Variants in SEPTIN6 observed in about 807,000 individuals in gnomAD.
The protein encoded by SEPTIN6 is septin 6.
A neutral mutation model predicts 33.6 loss-of-function variants in SEPTIN6; 8 were observed. That is an observed-to-expected ratio of 0.24 (90% confidence interval 0.14 to 0.43). The LOEUF (loss-of-function observed/expected upper bound fraction) is 0.43. SEPTIN6 is among the 20% of genes least tolerant of loss of function. The probability of loss-of-function intolerance (pLI) is 1.00; values close to 1 mark genes in which losing one functional copy is unlikely to be tolerated. For synonymous variants in SEPTIN6, 131 were observed against 140.0 expected (o/e 0.94, Z 0.45); for missense variants, 250 against 340.8 (o/e 0.73, Z 2.10).
At chrX:119,691,484 C>T (rs1322572669) in intron 1 of SEPTIN6, among the ~76,000 whole-genome samples, 2 of 111,838 alleles carry the variant, frequency 1.8e-5, no homozygotes, top group Admixed American at 9.5e-5. Flanking sequence ...CAATAAACAA[C>T]GAGAGTGCCA....
At chrX:119,646,643 C>T (rs1306981830) in intron 5 of SEPTIN6, 3 of 129,523 alleles carry the variant, frequency 2.3e-5, no homozygotes. Flanking sequence ...TCATTACTCT[C>T]ATTTCCTGCC....
intron 2 of SEPTIN6, among the ~76,000 whole-genome samples, chrX:119,664,539 C>G (rs987773994): frequency 3.6e-5 from 4 of 110,232 alleles, no homozygotes; most frequent in Non-Finnish European, 3.8e-5. Flanking sequence ...TAAAAAATGA[C>G]AGCAGTGGCC....
chrX:119,626,824 C>T (rs1440506823), intron 9 of SEPTIN6, among the ~76,000 whole-genome samples: 3 of 110,326 alleles, frequency 2.7e-5, no homozygotes, highest in Non-Finnish European at 5.7e-5. Context: ...GTAGCTGGGA[C>T]TACAGGTGTG....
chrX:119,660,442 T>C (rs2054518066), intron 3 of SEPTIN6, among the ~76,000 whole-genome samples: 1 of 112,373 alleles, frequency 8.9e-6, no homozygotes, highest in African/African-American at 3.2e-5. Flanking sequence ...TATAAGTATG[T>C]ATCACATTTA....
chrX:119,630,791 G>T (rs2053943806), intron 8 of SEPTIN6, among the ~76,000 whole-genome samples: 1 of 110,598 alleles, frequency 9.0e-6, no homozygotes, highest in Non-Finnish European at 1.9e-5. Flanking sequence ...TACTTGGGAG[G>T]CTGAGACAGG....
intron 1 of SEPTIN6, among the ~76,000 whole-genome samples, chrX:119,676,239 GA>G (rs889224474): frequency 1.8e-5 from 2 of 110,328 alleles, no homozygotes; most frequent in African/African-American, 6.6e-5. Flanking sequence ...AGGCGGGGGG[GA>G]TCACTTGAGG....
chrX:119,633,593 C>T lies in SEPTIN6; in HGVS notation c.957-101G>A. On this transcript the variant is annotated intron_variant, in intron 7 of 10. Transcript: ENST00000394610. Reference sequence around the variant, plus strand: ...ACTGGGTTCCTCTGTCCTCCCTTCCCCAGTTGTGAGCCAGGTACAAAAATA... The same window carrying T: ...ACTGGGTTCCTCTGTCCTCCCTTCCTCAGTTGTGAGCCAGGTACAAAAATA... 3.9e-6 allele frequency: 4 copies of T among 1,029,374 alleles called. No individual in the cohort carries two copies. The South Asian group carries it at 1.0e-4, about 26-fold the overall frequency. 84.8% of individuals were successfully genotyped at this position (1,029,374 alleles called of 1,213,427 possible). A position where few individuals can be genotyped will look rare whatever the true frequency, so the allele number is the denominator to read the frequency against.
chrX:119,657,237 AC>A (rs1317565916), intron 3 of SEPTIN6, among the ~76,000 whole-genome samples: 30 of 109,974 alleles, frequency 2.7e-4, no homozygotes, highest in African/African-American at 4.0e-4. Flanking sequence ...AAAAAACAAA[AC>A]AAAAAAACTG....
chrX:119,624,613 G>A (rs2053831587), intron 10 of SEPTIN6, among the ~76,000 whole-genome samples: 1 of 111,804 alleles, frequency 8.9e-6, no homozygotes, highest in Middle Eastern at 4.6e-3. Context: ...AGGGGGATGG[G>A]AGAGGGTTGA....
At chrX:119,644,734 C>A (rs1210912521) in intron 5 of SEPTIN6, among the ~76,000 whole-genome samples, 2 of 108,746 alleles carry the variant, frequency 1.8e-5, no homozygotes, top group Non-Finnish European at 3.8e-5. Context: ...GTAATCCCAG[C>A]TACTCGGGAG....
intron 5 of SEPTIN6, among the ~76,000 whole-genome samples, chrX:119,647,483 CT>C (rs61037430): frequency 7.3e-4 from 54 of 74,339 alleles, no homozygotes; most frequent in Non-Finnish European, 8.2e-4. Flanking sequence ...TTCTCTCTCT[CT>C]TTTTTTTTTT....
intron 3 of SEPTIN6, among the ~76,000 whole-genome samples, chrX:119,654,534 G>A (rs1480933032): frequency 9.0e-6 from 1 of 111,233 alleles, no homozygotes; most frequent in Non-Finnish European, 1.9e-5. Context: ...CCCAGCCAAT[G>A]CCTCCCACCT....
At chrX:119,649,854 G>C in intron 5 of SEPTIN6, 83 bp downstream of exon 5, 3 of 1,023,929 alleles carry the variant, frequency 2.9e-6, no homozygotes, top group Non-Finnish European at 4.1e-6. Flanking sequence ...CTGGGCAACA[G>C]AGCAAGACCC....
chrX:119,649,282 C>T (rs182010489), intron 5 of SEPTIN6, among the ~76,000 whole-genome samples: 15 of 106,548 alleles, frequency 1.4e-4, no homozygotes, highest in Admixed American at 3.1e-4. Flanking sequence ...TTAGTAGAGA[C>T]GGGGTTTTGC....
At position 119,678,675 on chromosome X, in the gene SEPTIN6, C is replaced by T. The variant is rs149498264; in HGVS notation, c.31-3007G>A. Among the ~76,000 whole-genome samples the T allele has an allele frequency of 5.1e-3, 567 of 111,647 alleles. 2 individuals are homozygous for T. Among genetic ancestry groups the T allele is most frequent in the African/African-American group, 0.018 (541 of 30,766 alleles). On this transcript the variant is annotated intron_variant, in intron 1 of 10. Coordinates refer to ENST00000394610, the MANE Select transcript of SEPTIN6 (RefSeq NM_145799.4). ...AGATGCAAGATTCCCACTGCTAGTT[C>T]TTGGTCCGCAACGCTGCAGGGGAGT...
chrX:119,621,444 CTGG>C (rs2053759100), intron 10 of SEPTIN6, among the ~76,000 whole-genome samples: 1 of 29,781 alleles, frequency 3.4e-5, no homozygotes, highest in African/African-American at 9.6e-5. Context: ...GGGCCCAGAG[CTGG>C]TGTGTGTGTG....
chrX:119,690,484 G>T (rs1345585000), intron 1 of SEPTIN6, among the ~76,000 whole-genome samples: 1 of 109,453 alleles, frequency 9.1e-6, no homozygotes, highest in East Asian at 2.9e-4. Context: ...CAACACTTTG[G>T]GAGGCTGAGG....
chrX:119,630,683 A>G (rs2053942042), intron 8 of SEPTIN6, among the ~76,000 whole-genome samples: 1 of 111,679 alleles, frequency 9.0e-6, no homozygotes, highest in Non-Finnish European at 1.9e-5. Context: ...GCATAAGGTC[A>G]GGAGTTCTAG....
chrX:119,684,023 T>TCTCC (rs369488890), intron 1 of SEPTIN6, among the ~76,000 whole-genome samples: 4 of 104,277 alleles, frequency 3.8e-5, no homozygotes, highest in African/African-American at 1.4e-4. Flanking sequence ...CACTGCAACC[T>TCTCC]CTCCCTCCTG....
Sources: allele counts gnomAD v4.1 joint callset (sites outside exome capture counted in the v4.1 genomes callset), GRCh38; gene constraint gnomAD v4.1.1; transcripts MANE v1.5; gene names NCBI Gene and HGNC (gene_info 2026-07-23, HGNC 2026-07-21).